Variants in PSEN1 observed in about 807,000 individuals in gnomAD.
The protein encoded by PSEN1 is presenilin-1.
Under a neutral mutation model 53.5 loss-of-function variants are expected in PSEN1, and 15 were observed. The ratio of observed to expected loss-of-function variants is 0.28; its 90% confidence interval spans 0.19 to 0.43. PSEN1 has a LOEUF of 0.43. PSEN1 is among the 20% of genes least tolerant of loss of function. The probability of loss-of-function intolerance (pLI) is 1.00; values close to 1 mark genes in which losing one functional copy is unlikely to be tolerated. For synonymous variants in PSEN1, 208 were observed against 209.8 expected (o/e 0.99, Z 0.08); for missense variants, 387 against 571.2 (o/e 0.68, Z 3.29).
chr14:73,205,261 G>C (rs2140122603), intron 8 of PSEN1, among the ~76,000 whole-genome samples: 1 of 152,192 alleles, frequency 6.6e-6, no homozygotes, highest in African/African-American at 2.4e-5. Context: ...CGGATCACGA[G>C]GTCAGGAGAT....
chr14:73,197,293 G>A (rs949408561), intron 7 of PSEN1, among the ~76,000 whole-genome samples: 4 of 152,296 alleles, frequency 2.6e-5, no homozygotes, highest in Admixed American at 2.6e-4. Flanking sequence ...GAAAGAAATG[G>A]TGGTATAAAC....
chr14:73,206,620 A>T, intron 9 of PSEN1, 148 bp downstream of exon 9: 1 of 677,540 alleles, frequency 1.5e-6, no homozygotes, highest in Non-Finnish European at 2.6e-6. Context: ...AAATACACAG[A>T]TAAGTATTTA....
At chr14:73,143,964 G>T (rs1285200194) in intron 1 of PSEN1, among the ~76,000 whole-genome samples, 4 of 146,582 alleles carry the variant, frequency 2.7e-5, no homozygotes, top group African/African-American at 1.0e-4. Flanking sequence ...TCCAGCCTGG[G>T]TGACAGAGTG....
chr14:73,145,735 TAAA>T (rs1897051472), intron 1 of PSEN1, among the ~76,000 whole-genome samples: 1 of 152,238 alleles, frequency 6.6e-6, no homozygotes, highest in Non-Finnish European at 1.5e-5. Context: ...TGCATCATAC[TAAA>T]GCTGAACAGT....
At chr14:73,217,945 GC>G in intron 11 of PSEN1, among the ~76,000 whole-genome samples, 1 of 151,638 alleles carries the variant, frequency 6.6e-6, no homozygotes, top group East Asian at 1.9e-4. Context: ...CTGCCACCAC[GC>G]CCGGCTAATT....
chr14:73,185,608 T>TGG (rs796578215), intron 5 of PSEN1, among the ~76,000 whole-genome samples: 109 of 151,538 alleles, frequency 7.2e-4, no homozygotes, highest in African/African-American at 2.4e-3. Flanking sequence ...AGGGAGACCG[T>TGG]GGGGAGAGAG....
At chr14:73,178,138 T>A (rs1447103875) in intron 5 of PSEN1, among the ~76,000 whole-genome samples, 3 of 151,902 alleles carry the variant, frequency 2.0e-5, no homozygotes, top group African/African-American at 7.3e-5. Flanking sequence ...CAGGCTGGTC[T>A]TGAACTCCTG....
At chr14:73,155,925 T>C (rs1020629093) in intron 3 of PSEN1, among the ~76,000 whole-genome samples, 2 of 152,128 alleles carry the variant, frequency 1.3e-5, no homozygotes, top group Non-Finnish European at 2.9e-5. Context: ...TCAATGTAGG[T>C]TCATCTGTTG....
At position 73,217,211 on chromosome 14, in the gene PSEN1, C is replaced by T. The variant is rs760158803; in HGVS notation, c.1215C>T (p.Asn405=). Residue 405 remains asparagine (N), a synonymous_variant, in exon 11 of 12, where the codon AAC becomes AAT. Coordinates refer to ENST00000324501, the MANE Select transcript of PSEN1 (RefSeq NM_000021.4). ...CAGCAACAGCCAGTGGAGACTGGAA[C>T]ACAACCATAGCCTGTTTCGTAGCCA... The part of the protein sequence containing the change: ...KASATASGDW[N]TTIACFVAIL... The T allele has an allele frequency of 4.3e-6, 7 of 1,614,006 alleles. No homozygotes were observed. The South Asian group carries it at 7.7e-5, about 18-fold the overall frequency.
intron 5 of PSEN1, among the ~76,000 whole-genome samples, chr14:73,180,101 C>T (rs1032189615): frequency 6.6e-6 from 1 of 152,114 alleles, no homozygotes; most frequent in African/African-American, 2.4e-5. Context: ...TCTCCTGCCT[C>T]AGCCTCCCAA....
At chr14:73,195,478 A>G (rs1252688293) in intron 7 of PSEN1, among the ~76,000 whole-genome samples, 2 of 152,168 alleles carry the variant, frequency 1.3e-5, no homozygotes, top group Non-Finnish European at 2.9e-5. Flanking sequence ...CAGCCTACTC[A>G]TCACTTACTA....
intron 1 of PSEN1, among the ~76,000 whole-genome samples, chr14:73,139,962 G>C (rs1896872044): frequency 6.6e-6 from 1 of 152,088 alleles, no homozygotes; most frequent in Non-Finnish European, 1.5e-5. Context: ...TATAACAAGT[G>C]ATTTACAAAT....
chr14:73,201,661 T>A (rs184563947), intron 8 of PSEN1, among the ~76,000 whole-genome samples: 325 of 152,312 alleles, frequency 2.1e-3, no homozygotes, highest in Admixed American at 3.3e-3. Flanking sequence ...AAGATTCCTG[T>A]CTCACAGGCA....
At chr14:73,158,471 G>T (rs532251056) in intron 3 of PSEN1, among the ~76,000 whole-genome samples, 2 of 151,986 alleles carry the variant, frequency 1.3e-5, no homozygotes, top group Non-Finnish European at 2.9e-5. Flanking sequence ...GATTACAGGC[G>T]CCTGCCACCA....
Position 73,219,859 on chromosome 14 carries a change from C to T in PSEN1, c.*570C>T, listed in dbSNP as rs1467819683. ...TCCCTTTGATTTTTTGCTGCAGACT[C>T]ATCCTTTTTAAATGAGACTTGTTTT... On this transcript the variant is annotated 3_prime_UTR_variant, in exon 12 of 12. Coordinates refer to ENST00000324501, the MANE Select transcript of PSEN1 (RefSeq NM_000021.4). The T allele has an allele frequency of 6.4e-6, 1 of 156,480 alleles. No homozygotes were observed. Among genetic ancestry groups the T allele is most frequent in the African/African-American group, 2.4e-5 (1 of 41,438 alleles). The allele number at this position is 156,480 out of a possible 1,614,324, so 9.7% of individuals were successfully genotyped here. A position where few individuals can be genotyped will look rare whatever the true frequency, so the allele number is the denominator to read the frequency against.
intron 3 of PSEN1, among the ~76,000 whole-genome samples, chr14:73,160,466 G>A (rs1382091912): frequency 6.6e-6 from 1 of 152,066 alleles, no homozygotes; most frequent in African/African-American, 2.4e-5. Flanking sequence ...ATTTTTTGAG[G>A]AACCTCCATA....
At chr14:73,210,628 A>C (rs777182161) in intron 9 of PSEN1, among the ~76,000 whole-genome samples, 81 of 152,338 alleles carry the variant, frequency 5.3e-4, no homozygotes, top group Non-Finnish European at 2.9e-4. Flanking sequence ...TTCATTTATA[A>C]ATCTTATTCT....
At chr14:73,166,569 G>A (rs917853654) in intron 3 of PSEN1, among the ~76,000 whole-genome samples, 4 of 152,190 alleles carry the variant, frequency 2.6e-5, no homozygotes, top group African/African-American at 9.7e-5. Flanking sequence ...GTTCAGACTT[G>A]TACTGCTGAA....
chr14:73,164,766 C>G (rs934885491), intron 3 of PSEN1, among the ~76,000 whole-genome samples: 1 of 152,238 alleles, frequency 6.6e-6, no homozygotes, highest in Non-Finnish European at 1.5e-5. Context: ...ATTTCACACA[C>G]TATGATTTCA....
Sources: gnomAD v4.1 joint callset for allele counts (sites outside exome capture counted in the v4.1 genomes callset) on GRCh38, gnomAD v4.1.1 for gene constraint, MANE v1.5 for transcripts, NCBI Gene and HGNC (gene_info 2026-07-23, HGNC 2026-07-21) for gene names.